Variants in MIPEP observed in about 807,000 individuals in gnomAD.
MIPEP encodes the protein mitochondrial intermediate peptidase.
A neutral mutation model predicts 90.3 loss-of-function variants in MIPEP; 79 were observed. The observed-to-expected ratio is 0.87, with a 90% CI of 0.73 to 1.05. The LOEUF (loss-of-function observed/expected upper bound fraction) is 1.05. Among genes scored for constraint, MIPEP ranks in the 50% least tolerant of loss-of-function variants. The pLI, the probability that MIPEP is intolerant of heterozygous loss-of-function variation, is 0.00. For synonymous variants in MIPEP, 334 were observed against 315.8 expected, an observed-to-expected ratio of 1.06 and a Z score of -0.61; for missense variants, 940 against 905.6, an observed-to-expected ratio of 1.04 and a Z score of -0.49.
At chr13:23,816,846 C>G (rs1953245317) in intron 14 of MIPEP, among the ~76,000 whole-genome samples, 1 of 152,160 alleles carries the variant, frequency 6.6e-6, no homozygotes, top group African/African-American at 2.4e-5. Flanking sequence ...AATGCAAACT[C>G]CTCCAGTATC....
intron 15 of MIPEP, among the ~76,000 whole-genome samples, chr13:23,809,171 A>G (rs1953144389): frequency 6.6e-6 from 1 of 152,190 alleles, no homozygotes; most frequent in African/African-American, 2.4e-5. Context: ...AACTAACAGC[A>G]ATTACTATCT....
chr13:23,831,383 C>CGG (rs1555237542), intron 14 of MIPEP, among the ~76,000 whole-genome samples: 1 of 40,918 alleles, frequency 2.4e-5, no homozygotes, highest in African/African-American at 8.3e-5. Context: ...TTCCCCATGG[C>CGG]GGGGGGGGGA....
intron 14 of MIPEP, among the ~76,000 whole-genome samples, chr13:23,821,863 A>G (rs1315013702): frequency 1.3e-5 from 2 of 152,164 alleles, no homozygotes; most frequent in Non-Finnish European, 2.9e-5. Context: ...CATTTTAATA[A>G]TTGTGTTGTT....
rs572269917 is a variant in MIPEP, at chr13:23,829,413, ACT to A, written c.1653+6825_1653+6826del. On this transcript the variant is annotated intron_variant, in intron 14 of 18. Coordinates refer to ENST00000382172, the MANE Select transcript of MIPEP (RefSeq NM_005932.4). Reference sequence around the variant, plus strand: ...CTGTAAGCCTGGGCGAAAGAGCAAGACTCTGTCTCAAAAAAAGAAAAAAAATA... The same window carrying A: ...CTGTAAGCCTGGGCGAAAGAGCAAGACTGTCTCAAAAAAAGAAAAAAAATA... Among the ~76,000 whole-genome samples the A allele has an allele frequency of 1.2e-4, 19 of 152,096 alleles. No homozygotes were observed. In the South Asian group the frequency reaches 3.1e-3, roughly 25 times the overall value.
intron 10 of MIPEP, among the ~76,000 whole-genome samples, chr13:23,852,357 A>G (rs1007443785): frequency 6.6e-6 from 1 of 152,256 alleles, no homozygotes; most frequent in Non-Finnish European, 1.5e-5. Context: ...ATCCTTTTCA[A>G]AAGTACATAA....
rs201800043 is a variant in MIPEP at position 23,841,480 on chromosome 13, A to G, written c.1115T>C (p.Ile372Thr). Residue 372 changes from isoleucine (I) to threonine (T), a missense_variant, in exon 11 of 19, where the codon ATT (isoleucine) becomes ACT (threonine). Transcript: ENST00000382172. ...SGVIRAERYNIEPSLYCPFFS... is the reference protein window; with the variant it reads ...SGVIRAERYNTEPSLYCPFFS... ...AAACGGGCAATATAGGCTGGGCTCA[A>G]TATTATACCTAAGAGAAGGAAGAGA... 9.3e-6 allele frequency: 15 copies of G among 1,605,570 alleles called. No homozygotes were observed. The highest frequency in any genetic ancestry group is 1.1e-5 in the Non-Finnish European group (13 of 1,177,990).
At chr13:23,844,794 G>C (rs1418925755) in intron 10 of MIPEP, among the ~76,000 whole-genome samples, 1 of 152,036 alleles carries the variant, frequency 6.6e-6, no homozygotes, top group East Asian at 1.9e-4. Context: ...ATCATTATGT[G>C]TTGGGCAAAA....
At chr13:23,787,849 A>ACAGGAAATTTCTACTCTGAGC (rs1952864152) in intron 16 of MIPEP, among the ~76,000 whole-genome samples, 1 of 152,214 alleles carries the variant, frequency 6.6e-6, no homozygotes. Flanking sequence ...AGCCATGATG[A>ACAGGAAATTTCTACTCTGAGC]CAGGAAATTT....
At chr13:23,871,573 A>C (rs1870810835) in intron 5 of MIPEP, among the ~76,000 whole-genome samples, 1 of 152,232 alleles carries the variant, frequency 6.6e-6, no homozygotes, top group African/African-American at 2.4e-5. Context: ...GATAGCAATT[A>C]ACAAGTTCTA....
Position 23,755,468 on chromosome 13 carries a change from T to C in MIPEP, c.2044+1077A>G, listed in dbSNP as rs1468168994. On this transcript the variant is annotated intron_variant, in intron 18 of 18. Coordinates refer to ENST00000382172, the MANE Select transcript of MIPEP (RefSeq NM_005932.4). Reference sequence around the variant, plus strand: ...CAAGGAGACATTTAAATCACACTCATGACTACCCAGACACACTCAATTACT... The same window carrying C: ...CAAGGAGACATTTAAATCACACTCACGACTACCCAGACACACTCAATTACT... 2.6e-5 allele frequency among the ~76,000 whole-genome samples: 4 copies of C among 152,364 alleles called. No homozygotes were observed. The East Asian group carries it at 7.7e-4, about 29-fold the overall frequency.
At position 23,841,472 on chromosome 13, in the gene MIPEP, T is replaced by A; in HGVS notation, c.1123A>T (p.Ser375Cys). ...AGAGAGAAAAACGGGCAATATAGGC[T>A]GGGCTCAATATTATACCTAAGAGAA... ...IRAERYNIEP[S>C]LYCPFFSLGA... Residue 375 changes from serine to cysteine, a missense_variant, in exon 11 of 19, where the codon AGC becomes TGC. Physicochemically the swap from Ser to Cys is moderately radical, Grantham distance 112. Coordinates refer to ENST00000382172, the MANE Select transcript of MIPEP (RefSeq NM_005932.4). 6.2e-7 allele frequency: 1 copy of A among 1,612,792 alleles called. No individual in the cohort carries two copies. The highest frequency in any genetic ancestry group is 8.5e-7 in the Non-Finnish European group (1 of 1,179,698).
At chr13:23,887,480 CAG>C (rs1381752679) in intron 1 of MIPEP, among the ~76,000 whole-genome samples, 1 of 152,148 alleles carries the variant, frequency 6.6e-6, no homozygotes, top group Non-Finnish European at 1.5e-5. Context: ...TTGGGAAAGA[CAG>C]AACTCGAACC....
intron 16 of MIPEP, among the ~76,000 whole-genome samples, chr13:23,764,117 C>T (rs548011410): frequency 2.6e-5 from 4 of 152,300 alleles, no homozygotes; most frequent in African/African-American, 7.2e-5. Flanking sequence ...GGATATTTAA[C>T]GTGTGGATCT....
chr13:23,760,024 G>T, intron 17 of MIPEP, 72 bp downstream of exon 17: 2 of 1,594,462 alleles, frequency 1.3e-6, no homozygotes, highest in South Asian at 1.1e-5. Context: ...TCTCGAGCCC[G>T]ACTTCCAGAT....
At chr13:23,872,698 G>A (rs1870872407) in intron 5 of MIPEP, among the ~76,000 whole-genome samples, 1 of 152,158 alleles carries the variant, frequency 6.6e-6, no homozygotes, top group Non-Finnish European at 1.5e-5. Flanking sequence ...TTCCCTGGGA[G>A]CTGCTCCCGG....
At chr13:23,780,218 T>G (rs1384124986) in intron 16 of MIPEP, among the ~76,000 whole-genome samples, 1 of 152,222 alleles carries the variant, frequency 6.6e-6, no homozygotes, top group Non-Finnish European at 1.5e-5. Context: ...AGGGGCAGAC[T>G]GACACCTCAC....
At chr13:23,803,668 C>T (rs1473085597) in intron 16 of MIPEP, among the ~76,000 whole-genome samples, 7 of 152,194 alleles carry the variant, frequency 4.6e-5, no homozygotes, top group Non-Finnish European at 1.0e-4. Flanking sequence ...ATCTGTGCAT[C>T]CCTACACCAG....
intron 16 of MIPEP, among the ~76,000 whole-genome samples, chr13:23,779,286 G>A (rs536081048): frequency 9.2e-5 from 14 of 152,258 alleles, no homozygotes; most frequent in South Asian, 6.2e-4. Context: ...AGAAAACCCC[G>A]AAATTGTGGC....
At chr13:23,830,844 T>C (rs1311985496) in intron 14 of MIPEP, among the ~76,000 whole-genome samples, 1 of 152,190 alleles carries the variant, frequency 6.6e-6, no homozygotes, top group Non-Finnish European at 1.5e-5. Flanking sequence ...TGGTTTCTAG[T>C]TCATCAGCAT....
Sources: allele counts gnomAD v4.1 joint callset (sites outside exome capture counted in the v4.1 genomes callset), GRCh38; gene constraint gnomAD v4.1.1; transcripts MANE v1.5; gene names NCBI Gene and HGNC (gene_info 2026-07-23, HGNC 2026-07-21).